Variants in STK4 observed in about 807,000 individuals in gnomAD.
The protein encoded by STK4 is serine/threonine-protein kinase 4.
In STK4, 30 loss-of-function variants were observed where a neutral mutation model predicts 64.9. That is an observed-to-expected ratio of 0.46 (90% CI 0.35 to 0.63). The LOEUF is 0.63. Ranked by LOEUF, STK4 falls within the 20% of genes least tolerant of loss-of-function variation. The pLI is 0.01. For missense variants in STK4, 466 were observed against 598.5 expected (o/e 0.78, Z 2.31); for synonymous variants, 177 against 199.0 (o/e 0.89, Z 0.93).
At chr20:45,062,738 C>T (rs6124680) in intron 10 of STK4, among the ~76,000 whole-genome samples, 18,826 of 151,726 alleles carry the variant, frequency 0.12, 1,532 homozygotes, top group East Asian at 0.22. Flanking sequence ...CAGGCTGGAG[C>T]GCGATCTTGG....
At chr20:45,027,257 C>T (rs778208643) in intron 10 of STK4, among the ~76,000 whole-genome samples, 7 of 151,916 alleles carry the variant, frequency 4.6e-5, no homozygotes, top group Admixed American at 1.3e-4. Flanking sequence ...AGAGAAACCC[C>T]GTCTCTACTA....
intron 9 of STK4, among the ~76,000 whole-genome samples, chr20:45,021,101 G>A (rs1327405241): frequency 6.6e-6 from 1 of 152,144 alleles, no homozygotes. Flanking sequence ...TTACAAGCAT[G>A]AGCCACCATG....
At chr20:45,053,058 A>G in intron 10 of STK4, 3 of 1,513,538 alleles carry the variant, frequency 2.0e-6, no homozygotes, top group Non-Finnish European at 2.7e-6. Context: ...TTTGGAATAT[A>G]ATGAGATTTT....
At chr20:45,015,732 GTTCT>G (rs991814420) in intron 9 of STK4, among the ~76,000 whole-genome samples, 2 of 152,150 alleles carry the variant, frequency 1.3e-5, no homozygotes, top group African/African-American at 4.8e-5. Context: ...CCTTGGTCAG[GTTCT>G]TTCTTTTTTG....
At chr20:45,022,709 A>C (rs974981752) in intron 9 of STK4, among the ~76,000 whole-genome samples, 1 of 152,234 alleles carries the variant, frequency 6.6e-6, no homozygotes, top group Non-Finnish European at 1.5e-5. Context: ...CCATAGAAAT[A>C]TATTGTTTTA....
At chr20:44,975,418 G>A in intron 2 of STK4, 1 of 979,322 alleles carries the variant, frequency 1.0e-6, no homozygotes, top group Non-Finnish European at 1.2e-6. Context: ...GAGGTATGAA[G>A]AGTGTTCTGG....
intron 10 of STK4, among the ~76,000 whole-genome samples, chr20:45,025,496 CTTG>C (rs2145384194): frequency 6.6e-6 from 1 of 152,058 alleles, no homozygotes; most frequent in Admixed American, 6.5e-5. Flanking sequence ...TTGTGGTGTC[CTTG>C]TTGTTTTGCT....
At chr20:45,057,510 T>G (rs1978589613) in intron 10 of STK4, among the ~76,000 whole-genome samples, 1 of 152,132 alleles carries the variant, frequency 6.6e-6, no homozygotes, top group Non-Finnish European at 1.5e-5. Flanking sequence ...TATAGACAAA[T>G]AGAACTATAC....
chr20:45,068,905 C>A (rs1979818779), intron 10 of STK4, among the ~76,000 whole-genome samples: 1 of 152,160 alleles, frequency 6.6e-6, no homozygotes, highest in Non-Finnish European at 1.5e-5. Context: ...GCATTTGTAT[C>A]CTGCTAACAG....
intron 10 of STK4, among the ~76,000 whole-genome samples, chr20:45,033,572 A>G (rs2068479651): frequency 6.6e-6 from 1 of 150,984 alleles, no homozygotes; most frequent in Admixed American, 6.6e-5. Flanking sequence ...TTGAGTTACT[A>G]TGTTTTTTTT....
intron 1 of STK4, 133 bp downstream of exon 1, chr20:44,966,736 G>A (rs182627550): frequency 5.7e-6 from 6 of 1,051,994 alleles, no homozygotes; most frequent in Non-Finnish European, 2.5e-6. Context: ...GCTGAGTGAG[G>A]GGGGGGACGT....
At chr20:45,042,849 T>G (rs970026368) in intron 10 of STK4, among the ~76,000 whole-genome samples, 2 of 147,734 alleles carry the variant, frequency 1.4e-5, no homozygotes, top group Non-Finnish European at 2.9e-5. Flanking sequence ...TTTTAAAAAT[T>G]TCCAACTTTT....
At chr20:45,066,126 G>A (rs1467752578) in intron 10 of STK4, among the ~76,000 whole-genome samples, 1 of 151,510 alleles carries the variant, frequency 6.6e-6, no homozygotes, top group African/African-American at 2.4e-5. Context: ...AAAAAATTGT[G>A]TATGTGTATA....
intron 10 of STK4, among the ~76,000 whole-genome samples, chr20:45,037,478 G>A (rs1031109003): frequency 7.2e-5 from 11 of 152,206 alleles, no homozygotes; most frequent in African/African-American, 2.4e-4. Flanking sequence ...TCCATCTGAC[G>A]TTGTGTGATA....
At chr20:45,056,723 C>G (rs1978511564) in intron 10 of STK4, among the ~76,000 whole-genome samples, 1 of 152,128 alleles carries the variant, frequency 6.6e-6, no homozygotes, top group African/African-American at 2.4e-5. Flanking sequence ...AGATAGAAAC[C>G]ACACAGTAGA....
In STK4 at chr20:45,075,340, C is replaced by T. The variant is rs566026229; in HGVS notation, c.*164C>T. ...TGGGAAGGGCTCTCTTGACAGTCAG[C>T]GTGCCATCTTGATGTGTGTATGTAC... On this transcript the variant is annotated 3_prime_UTR_variant, in exon 11 of 11. Coordinates refer to ENST00000372806, the MANE Select transcript of STK4 (RefSeq NM_006282.5). 2.2e-4 allele frequency: 184 copies of T among 855,792 alleles called. 1 individual carries two copies. Among genetic ancestry groups the T allele is most frequent in the South Asian group, 1.6e-3 (93 of 57,098 alleles). 53.0% of individuals were successfully genotyped at this position (855,792 alleles called of 1,614,324 possible). A position where few individuals can be genotyped will look rare whatever the true frequency, so the allele number is the denominator to read the frequency against.
intron 5 of STK4, among the ~76,000 whole-genome samples, chr20:44,993,687 ATTC>A (rs1197942586): frequency 2.0e-5 from 3 of 152,190 alleles, no homozygotes; most frequent in African/African-American, 7.2e-5. Flanking sequence ...CTGTTTAAAA[ATTC>A]TTCTTTTGCT....
intron 5 of STK4, among the ~76,000 whole-genome samples, chr20:44,993,978 CAA>C (rs775346644): frequency 6.7e-5 from 8 of 119,094 alleles, no homozygotes; most frequent in Admixed American, 8.7e-5. Context: ...AACTCTTTCT[CAA>C]AAAAAAAAAA....
At chr20:45,030,289 A>C (rs1860726232) in intron 10 of STK4, among the ~76,000 whole-genome samples, 1 of 152,084 alleles carries the variant, frequency 6.6e-6, no homozygotes, top group Non-Finnish European at 1.5e-5. Context: ...TATTTTTAGT[A>C]GAGACAGGGT....
Sources: gnomAD v4.1 joint callset for allele counts (sites outside exome capture counted in the v4.1 genomes callset) on GRCh38, gnomAD v4.1.1 for gene constraint, MANE v1.5 for transcripts, NCBI Gene and HGNC (gene_info 2026-07-23, HGNC 2026-07-21) for gene names.